SH3GL2: variants seen among roughly 807,000 people sequenced by gnomAD.
The protein encoded by SH3GL2 is endophilin-A1.
A neutral mutation model predicts 46.0 loss-of-function variants in SH3GL2; 24 were observed. The observed-to-expected ratio is 0.52, with a 90% confidence interval of 0.38 to 0.73. The LOEUF is 0.73. Ranked by LOEUF, SH3GL2 falls within the 30% of genes least tolerant of loss-of-function variation. The pLI is 0.00. For synonymous variants in SH3GL2, 196 were observed against 147.1 expected, an observed-to-expected ratio of 1.33 and a Z score of -2.40; for missense variants, 413 against 424.2, an observed-to-expected ratio of 0.97 and a Z score of 0.23.
At chr9:17,748,678 G>A (rs1822759841) in intron 2 of SH3GL2, among the ~76,000 whole-genome samples, 1 of 152,120 alleles carries the variant, frequency 6.6e-6, no homozygotes, top group Non-Finnish European at 1.5e-5. Context: ...CCAGGAGGTA[G>A]GATATAGACA....
rs144148607 is a variant in SH3GL2 at position 17,617,607 on chromosome 9, T to C, written c.45+38320T>C. Reference sequence around the variant, plus strand: ...AGTATCACATATTTGAAGATGCCTGTTAACATCTTTCGAGACAGTTTCTGG... The same window carrying C: ...AGTATCACATATTTGAAGATGCCTGCTAACATCTTTCGAGACAGTTTCTGG... On this transcript the variant is annotated intron_variant, in intron 1 of 8. Transcript: ENST00000380607. 2.3e-3 allele frequency among the ~76,000 whole-genome samples: 351 copies of C among 152,332 alleles called. 2 individuals carry two copies. Among genetic ancestry groups the C allele is most frequent in the African/African-American group, 8.1e-3 (337 of 41,578 alleles).
chr9:17,715,381 G>A lies in SH3GL2; in HGVS notation c.46-31685G>A, dbSNP rs1022046556. Among the ~76,000 whole-genome samples the A allele has an allele frequency of 4.6e-5, 7 of 151,486 alleles. No homozygotes were observed. In the South Asian group the frequency reaches 6.2e-4, roughly 13 times the overall value. On this transcript the variant is annotated intron_variant, in intron 1 of 8. Coordinates refer to ENST00000380607, the MANE Select transcript of SH3GL2 (RefSeq NM_003026.5). ...TTTTACTGAAGTTTGGACATTTTCA[G>A]CCATTACTTTTTCAAAATTTTTTTT...
intron 2 of SH3GL2, among the ~76,000 whole-genome samples, chr9:17,757,876 C>T (rs3808678): frequency 6.6e-6 from 1 of 152,050 alleles, no homozygotes; most frequent in Non-Finnish European, 1.5e-5. Flanking sequence ...AACTCTTCTG[C>T]CAAGTGCATA....
rs954652111 is a variant in SH3GL2, at chr9:17,797,040, G to A, written c.*1297G>A. On this transcript the variant is annotated 3_prime_UTR_variant, in exon 9 of 9. Transcript: ENST00000380607. ...CACCTGCAGTAGTGGATCATGTGGAGTGAAAGGCAAATCTTACTGCTTAAT... is the reference window on the plus strand; with the variant it reads ...CACCTGCAGTAGTGGATCATGTGGAATGAAAGGCAAATCTTACTGCTTAAT... The A allele has an allele frequency of 2.4e-4, 36 of 152,676 alleles. No homozygotes were observed. Among genetic ancestry groups the A allele is most frequent in the African/African-American group, 8.4e-4 (35 of 41,462 alleles). 9.5% of individuals were successfully genotyped at this position (152,676 alleles called of 1,614,324 possible).
intron 1 of SH3GL2, among the ~76,000 whole-genome samples, chr9:17,744,153 T>C (rs554119212): frequency 1.3e-5 from 2 of 152,116 alleles, no homozygotes; most frequent in African/African-American, 4.8e-5. Context: ...TAGCCCAAAT[T>C]TAATGGTAAA....
At chr9:17,746,056 G>A (rs1822672707) in intron 1 of SH3GL2, among the ~76,000 whole-genome samples, 1 of 152,058 alleles carries the variant, frequency 6.6e-6, no homozygotes, top group South Asian at 2.1e-4. Flanking sequence ...CATTATTTCA[G>A]AATATAAAAG....
intron 1 of SH3GL2, among the ~76,000 whole-genome samples, chr9:17,738,576 A>AT (rs879840665): frequency 2.6e-4 from 6 of 22,844 alleles, no homozygotes; most frequent in East Asian, 9.2e-3. Context: ...ATATATATAT[A>AT]GAGAGAGAGA....
At chr9:17,609,699 T>G in intron 1 of SH3GL2, among the ~76,000 whole-genome samples, 1 of 152,380 alleles carries the variant, frequency 6.6e-6, no homozygotes, top group East Asian at 1.9e-4. Flanking sequence ...GGGGAATTTA[T>G]TGAGAATGTG....
chr9:17,606,404 C>T (rs79907483), intron 1 of SH3GL2, among the ~76,000 whole-genome samples: 1 of 152,082 alleles, frequency 6.6e-6, no homozygotes, highest in Admixed American at 6.6e-5. Context: ...CCCCACAACT[C>T]CCAAGGCCAA....
intron 1 of SH3GL2, among the ~76,000 whole-genome samples, chr9:17,625,636 C>T (rs113907710): frequency 6.6e-6 from 1 of 152,192 alleles, no homozygotes; most frequent in Non-Finnish European, 1.5e-5. Flanking sequence ...TAGTAAGTGG[C>T]AGAACCAGAA....
intron 6 of SH3GL2, among the ~76,000 whole-genome samples, chr9:17,790,659 C>T (rs1824101432): frequency 1.3e-5 from 2 of 152,098 alleles, no homozygotes; most frequent in African/African-American, 4.8e-5. Context: ...TAATGTGAAA[C>T]ATAAAATCAA....
chr9:17,610,468 G>A lies in SH3GL2; in HGVS notation c.45+31181G>A, dbSNP rs1818839932. 2.0e-5 allele frequency among the ~76,000 whole-genome samples: 3 copies of A among 152,154 alleles called. No homozygotes were observed. The South Asian group carries it at 6.2e-4, about 32-fold the overall frequency. On this transcript the variant is annotated intron_variant, in intron 1 of 8. Transcript: ENST00000380607. ...AGAGACACAGAAAAAACTGATGTTC[G>A]ATTGTTAGGTTGGTTTAAGTTGTTG...
At chr9:17,629,665 A>G (rs1052273632) in intron 1 of SH3GL2, among the ~76,000 whole-genome samples, 11 of 152,118 alleles carry the variant, frequency 7.2e-5, no homozygotes, top group African/African-American at 1.4e-4. Context: ...TATCCTTGCC[A>G]TTTTTCATGG....
chr9:17,794,136 G>A (rs9407884), intron 8 of SH3GL2, among the ~76,000 whole-genome samples: 3 of 152,208 alleles, frequency 2.0e-5, no homozygotes, highest in African/African-American at 7.2e-5. Context: ...CAGGAATATC[G>A]ATGCATACCA....
intron 1 of SH3GL2, among the ~76,000 whole-genome samples, chr9:17,653,100 TC>T (rs1819994001): frequency 2.0e-5 from 3 of 152,338 alleles, no homozygotes; most frequent in South Asian, 2.1e-4. Flanking sequence ...AAAAATCCAA[TC>T]TGAAAAGTCT....
At chr9:17,703,723 C>T (rs539639987) in intron 1 of SH3GL2, among the ~76,000 whole-genome samples, 1 of 151,884 alleles carries the variant, frequency 6.6e-6, no homozygotes, top group African/African-American at 2.4e-5. Flanking sequence ...TCTCAATAGA[C>T]GCAGAAAAGG....
chr9:17,601,001 A>G (rs1818658722), intron 1 of SH3GL2, among the ~76,000 whole-genome samples: 2 of 152,166 alleles, frequency 1.3e-5, no homozygotes, highest in East Asian at 3.9e-4. Flanking sequence ...GCTCAGTGAC[A>G]ATCACTGTGA....
intron 1 of SH3GL2, among the ~76,000 whole-genome samples, chr9:17,745,624 T>G (rs1563836748): frequency 6.6e-6 from 1 of 151,920 alleles, no homozygotes; most frequent in Admixed American, 6.6e-5. Flanking sequence ...CTCTTCTGAG[T>G]GTTTTCCCGA....
intron 1 of SH3GL2, among the ~76,000 whole-genome samples, chr9:17,704,590 A>G (rs1181034226): frequency 6.6e-6 from 1 of 152,094 alleles, no homozygotes; most frequent in Non-Finnish European, 1.5e-5. Flanking sequence ...AGACACACAT[A>G]CCAATGGAAC....
Sources: allele counts gnomAD v4.1 joint callset (sites outside exome capture counted in the v4.1 genomes callset), GRCh38; gene constraint gnomAD v4.1.1; transcripts MANE v1.5; gene names NCBI Gene and HGNC (gene_info 2026-07-23, HGNC 2026-07-21).